The following SUPV3L1 variants were observed in gnomAD, a reference collection of about 807,000 sequenced individuals.
SUPV3L1 encodes the protein Suv3 like RNA helicase.
Under a neutral mutation model 70.0 loss-of-function variants are expected in SUPV3L1, and 35 were observed. The ratio of observed to expected loss-of-function variants is 0.50; its 90% CI spans 0.38 to 0.66. The LOEUF is 0.66. Among genes scored for constraint, SUPV3L1 ranks in the 30% least tolerant of loss-of-function variants. The pLI, the probability that SUPV3L1 is intolerant of heterozygous loss-of-function variation, is 0.00. For missense variants in SUPV3L1, 777 were observed against 961.5 expected, an observed-to-expected ratio of 0.81 and a Z score of 2.54; for synonymous variants, 364 against 341.9, an observed-to-expected ratio of 1.06 and a Z score of -0.71.
intron 2 of SUPV3L1, 98 bp from the exon 3 acceptor site, chr10:69,186,345 G>C: frequency 1.8e-6 from 1 of 549,916 alleles, no homozygotes; most frequent in East Asian, 3.7e-5. Context: ...AAAAAAAAAA[G>C]AAAAAAAAAG....
In SUPV3L1 at chr10:69,208,483, A is replaced by G. The variant is rs187815062; in HGVS notation, c.1926-117A>G. ...AAGGTTGAGCAAAGGCACTGAAGAG[A>G]GTTTGCAAAAAGAACATTTAGAATT... On this transcript the variant is annotated intron_variant, in intron 14 of 14. Transcript: ENST00000359655. 1,778 of 1,118,636 alleles carry G rather than the reference A, an allele frequency of 1.6e-3. 24 individuals carry two copies. The African/African-American group carries it at 0.025, about 16-fold the overall frequency. The allele number at this position is 1,118,636 out of a possible 1,614,324, so 69.3% of individuals were successfully genotyped here.
In SUPV3L1 at chr10:69,185,973, C is replaced by T. The variant is rs762817026; in HGVS notation, c.272-14C>T. 1.1e-5 allele frequency: 17 copies of T among 1,588,006 alleles called. No individual in the cohort carries two copies. Among genetic ancestry groups the T allele is most frequent in the Non-Finnish European group, 1.4e-5 (16 of 1,162,634 alleles). ...AAGATAAGGAAACGTTAAATTTTGA[C>T]ATCTCTCTTCTAGATGAAGTAAAGA... On this transcript the variant is annotated splice_polypyrimidine_tract_variant and intron_variant, in intron 1 of 14. Transcript: ENST00000359655.
In SUPV3L1 at chr10:69,200,451, T is replaced by C; in HGVS notation, c.1470T>C (p.Asp490=). The change falls in exon 11 of 15, where the codon GAT becomes GAC. Residue 490 remains aspartate, a synonymous_variant. Transcript: ENST00000359655. The part of the protein sequence containing the change: ...EGEVTTMNHE[D]LSLLKEILKR... Reference sequence around the variant, plus strand: ...AGGTTACAACAATGAATCATGAAGATCTCAGTTTATTAAAGGAAATTTTGA... The same window carrying C: ...AGGTTACAACAATGAATCATGAAGACCTCAGTTTATTAAAGGAAATTTTGA... 1 of 1,614,024 alleles carries C rather than the reference T, an allele frequency of 6.2e-7. No homozygotes were observed. Among genetic ancestry groups the C allele is most frequent in the South Asian group, 1.1e-5 (1 of 91,066 alleles).
intron 1 of SUPV3L1, chr10:69,182,562 C>G: frequency 2.0e-6 from 2 of 985,278 alleles, no homozygotes; most frequent in East Asian, 1.1e-4. Context: ...TTGCTGCTTC[C>G]TGTAAGAAGA....
intron 13 of SUPV3L1, among the ~76,000 whole-genome samples, chr10:69,203,836 C>T (rs1264620983): frequency 1.3e-5 from 2 of 151,892 alleles, no homozygotes; most frequent in East Asian, 1.9e-4. Context: ...AGTGATCCTG[C>T]CACCTCAGCC....
In SUPV3L1 at chr10:69,195,222, T is replaced by G. The variant is rs200136140; in HGVS notation, c.888T>G (p.Ile296Met). 6.2e-7 allele frequency: 1 copy of G among 1,613,416 alleles called. No individual in the cohort carries two copies. Among genetic ancestry groups the G allele is most frequent in the East Asian group, 2.2e-5 (1 of 44,846 alleles). The change falls in exon 7 of 15, where the codon ATT (isoleucine) becomes ATG (methionine). Residue 296 changes from isoleucine to methionine, a missense_variant. Ile to Met is a conservative substitution (Grantham distance 10). This residue lies in a region of SUPV3L1 where 619 missense variants were observed against 823.3 expected (regional missense o/e 0.75). Coordinates refer to ENST00000359655, the MANE Select transcript of SUPV3L1 (RefSeq NM_003171.5). ...EVAVIDEIQM[I>M]RDPARGWAWT... ...CTGTAATTGATGAAATTCAAATGATTAGAGATCCAGCCAGAGGATGGGCCT... is the reference window on the plus strand; with the variant it reads ...CTGTAATTGATGAAATTCAAATGATGAGAGATCCAGCCAGAGGATGGGCCT...
At chr10:69,196,614 C>A (rs78459845) in intron 7 of SUPV3L1, among the ~76,000 whole-genome samples, 1 of 152,006 alleles carries the variant, frequency 6.6e-6, no homozygotes, top group Non-Finnish European at 1.5e-5. Context: ...CTTGGAGTTT[C>A]TTCTGCCCTC....
At chr10:69,195,066 AAG>A (rs1842505275) in intron 6 of SUPV3L1, 120 bp from the exon 7 acceptor site, 5 of 662,308 alleles carry the variant, frequency 7.5e-6, no homozygotes, top group Non-Finnish European at 1.2e-5. Flanking sequence ...CCTGCTGGAA[AAG>A]AGGAACCCAG....
chr10:69,188,264 T>C (rs577232339), intron 4 of SUPV3L1, among the ~76,000 whole-genome samples: 4 of 152,310 alleles, frequency 2.6e-5, no homozygotes, highest in Admixed American at 2.0e-4. Flanking sequence ...CACCCTTCTC[T>C]TCCACAGTCT....
chr10:69,202,338 G>A, intron 11 of SUPV3L1, 101 bp from the exon 12 acceptor site: 1 of 905,160 alleles, frequency 1.1e-6, no homozygotes, highest in Non-Finnish European at 1.7e-6. Flanking sequence ...TATGGTGAGA[G>A]CTTAGCCTGA....
Position 69,186,077 on chromosome 10 carries a change from A to G in SUPV3L1, c.349+13A>G. Reference sequence around the variant, plus strand: ...TATGGACTTGATGGTAAGGCCCAAAACATCTTCATAGAGGTATTTTATTAC... The same window carrying G: ...TATGGACTTGATGGTAAGGCCCAAAGCATCTTCATAGAGGTATTTTATTAC... On this transcript the variant is annotated intron_variant, in intron 2 of 14. Transcript: ENST00000359655. The G allele has an allele frequency of 1.9e-6, 3 of 1,609,880 alleles. No homozygotes were observed. The highest frequency in any genetic ancestry group is 1.1e-5 in the South Asian group (1 of 90,850).
chr10:69,196,390 C>G (rs1842543101), intron 7 of SUPV3L1, among the ~76,000 whole-genome samples: 1 of 151,940 alleles, frequency 6.6e-6, no homozygotes, highest in Admixed American at 6.6e-5. Context: ...ACTCCAGAGG[C>G]TGAGGCACAA....
chr10:69,184,365 C>T (rs1055319779), intron 1 of SUPV3L1, among the ~76,000 whole-genome samples: 1 of 151,946 alleles, frequency 6.6e-6, no homozygotes. Flanking sequence ...CCTGTCTCTA[C>T]TAAAAATACA....
At chr10:69,204,552 A>T (rs1842772201) in intron 13 of SUPV3L1, among the ~76,000 whole-genome samples, 1 of 150,338 alleles carries the variant, frequency 6.7e-6, no homozygotes, top group African/African-American at 2.4e-5. Flanking sequence ...TCTGCCCTTT[A>T]AAAAAAAAAT....
intron 1 of SUPV3L1, among the ~76,000 whole-genome samples, chr10:69,181,757 G>A (rs1165419805): frequency 6.6e-6 from 1 of 152,086 alleles, no homozygotes; most frequent in South Asian, 2.1e-4. Context: ...ACTGACTCCT[G>A]TGATAATGGC....
chr10:69,200,593 G>A (rs1329932540), intron 11 of SUPV3L1, 94 bp downstream of exon 11: 5 of 1,100,472 alleles, frequency 4.5e-6, no homozygotes, highest in Admixed American at 2.6e-5. Context: ...ACACATTTCT[G>A]GATACAGACA....
chr10:69,187,147 A>G (rs1336949814), intron 3 of SUPV3L1, among the ~76,000 whole-genome samples: 1 of 152,036 alleles, frequency 6.6e-6, no homozygotes, highest in African/African-American at 2.4e-5. Context: ...GTACATGTCT[A>G]GGTTCTTTAT....
chr10:69,184,700 T>C (rs909228433), intron 1 of SUPV3L1, among the ~76,000 whole-genome samples: 3 of 151,218 alleles, frequency 2.0e-5, no homozygotes, highest in Non-Finnish European at 4.4e-5. Flanking sequence ...GATCTAGTGA[T>C]TCTGAAATTT....
In SUPV3L1 at chr10:69,180,277, G is replaced by C; in HGVS notation, c.-15G>C. ...GTCCGCGGCTGCGCCAGACAGTGTA[G>C]AACCTGCGGCCTCGATGTCCTTCTC... On this transcript the variant is annotated 5_prime_UTR_variant, in exon 1 of 15. Coordinates refer to ENST00000359655, the MANE Select transcript of SUPV3L1 (RefSeq NM_003171.5). The C allele has an allele frequency of 6.2e-7, 1 of 1,611,956 alleles. No homozygotes were observed.
Sources: gnomAD v4.1 joint callset for allele counts (sites outside exome capture counted in the v4.1 genomes callset) on GRCh38, gnomAD v4.1.1 for gene constraint, gnomAD v4.1.1 regional missense constraint, MANE v1.5 for transcripts, NCBI Gene and HGNC (gene_info 2026-07-23, HGNC 2026-07-21) for gene names.